The following PIP4K2A variants were observed in gnomAD, a reference collection of about 807,000 sequenced individuals.
PIP4K2A encodes the protein phosphatidylinositol 5-phosphate 4-kinase type-2 alpha.
A neutral mutation model predicts 42.9 loss-of-function variants in PIP4K2A; 14 were observed. The observed-to-expected ratio is 0.33, with a 90% CI of 0.22 to 0.51. The LOEUF (loss-of-function observed/expected upper bound fraction) is 0.51, where lower values mean the gene tolerates loss of function less well. PIP4K2A is among the 20% of genes least tolerant of loss of function. PIP4K2A has a pLI of 0.97. For synonymous variants in PIP4K2A, 192 were observed against 192.2 expected (o/e 1.00, Z 0.01); for missense variants, 434 against 519.8 (o/e 0.83, Z 1.61).
chr10:22,698,077 A>C (rs1037620993), intron 1 of PIP4K2A, among the ~76,000 whole-genome samples: 1 of 152,126 alleles, frequency 6.6e-6, no homozygotes, highest in Non-Finnish European at 1.5e-5. Flanking sequence ...ACGAAGAAAA[A>C]CTGGGAGAAG....
intron 1 of PIP4K2A, among the ~76,000 whole-genome samples, chr10:22,660,551 G>A (rs760118516): frequency 6.6e-5 from 10 of 152,020 alleles, no homozygotes; most frequent in Non-Finnish European, 1.5e-4. Flanking sequence ...GAAGATGCAA[G>A]AATCTAGGTG....
chr10:22,693,301 T>C (rs918557602), intron 1 of PIP4K2A, among the ~76,000 whole-genome samples: 4 of 152,170 alleles, frequency 2.6e-5, no homozygotes, highest in African/African-American at 9.7e-5. Context: ...TTTAGCTGAT[T>C]GCATTTTGCT....
At chr10:22,653,750 C>T (rs990307701) in intron 1 of PIP4K2A, among the ~76,000 whole-genome samples, 17 of 152,164 alleles carry the variant, frequency 1.1e-4, no homozygotes, top group Non-Finnish European at 2.9e-5. Context: ...CCTGTCTCTA[C>T]TGTAATCCCA....
intron 1 of PIP4K2A, among the ~76,000 whole-genome samples, chr10:22,620,543 C>G (rs1838302884): frequency 6.6e-6 from 1 of 152,238 alleles, no homozygotes; most frequent in Non-Finnish European, 1.5e-5. Context: ...GTGATGTGTG[C>G]TTTGGCCCAG....
chr10:22,567,528 A>G (rs996720965), intron 6 of PIP4K2A: 3 of 553,184 alleles, frequency 5.4e-6, no homozygotes, highest in Non-Finnish European at 1.0e-5. Context: ...ACCCGCAGGA[A>G]CGCACTCTCA....
intron 1 of PIP4K2A, among the ~76,000 whole-genome samples, chr10:22,697,653 G>T (rs1738027484): frequency 6.6e-6 from 1 of 152,120 alleles, no homozygotes; most frequent in African/African-American, 2.4e-5. Flanking sequence ...TTGTACCCAA[G>T]AATTCGAGGC....
At chr10:22,586,811 G>A (rs754260654) in intron 4 of PIP4K2A, among the ~76,000 whole-genome samples, 3 of 152,156 alleles carry the variant, frequency 2.0e-5, no homozygotes, top group Admixed American at 6.5e-5. Flanking sequence ...GATTACAGAC[G>A]TGAGCCACTG....
At chr10:22,696,190 A>C (rs962126660) in intron 1 of PIP4K2A, among the ~76,000 whole-genome samples, 5 of 152,192 alleles carry the variant, frequency 3.3e-5, no homozygotes, top group African/African-American at 9.7e-5. Flanking sequence ...AGAATATTTC[A>C]ACATATGTCA....
intron 1 of PIP4K2A, among the ~76,000 whole-genome samples, chr10:22,674,926 G>A (rs888434064): frequency 6.4e-4 from 97 of 151,756 alleles, no homozygotes; most frequent in Non-Finnish European, 2.1e-4. Flanking sequence ...TCATGCCACT[G>A]TACTCCAGCT....
At chr10:22,681,588 T>C (rs1839661821) in intron 1 of PIP4K2A, among the ~76,000 whole-genome samples, 2 of 152,116 alleles carry the variant, frequency 1.3e-5, no homozygotes, top group Non-Finnish European at 2.9e-5. Flanking sequence ...GGTAGGAGGA[T>C]GCCTTGAGCC....
At chr10:22,554,105 C>T (rs1048782770) in intron 6 of PIP4K2A, among the ~76,000 whole-genome samples, 10 of 152,018 alleles carry the variant, frequency 6.6e-5, no homozygotes, top group African/African-American at 2.4e-4. Flanking sequence ...CGCGCCACTG[C>T]ACTCCAGCCT....
At chr10:22,648,546 C>T (rs1007862482) in intron 1 of PIP4K2A, among the ~76,000 whole-genome samples, 2 of 152,170 alleles carry the variant, frequency 1.3e-5, no homozygotes, top group African/African-American at 4.8e-5. Context: ...GACTGGAAAA[C>T]ACTCTTCCTG....
chr10:22,659,368 G>T (rs897797942), intron 1 of PIP4K2A, among the ~76,000 whole-genome samples: 1 of 152,198 alleles, frequency 6.6e-6, no homozygotes, highest in African/African-American at 2.4e-5. Flanking sequence ...GCCAAGGTGG[G>T]CGGATCACCT....
At chr10:22,552,850 T>G (rs1836446640) in intron 6 of PIP4K2A, among the ~76,000 whole-genome samples, 2 of 152,162 alleles carry the variant, frequency 1.3e-5, no homozygotes, top group Non-Finnish European at 2.9e-5. Context: ...CAACCCATTT[T>G]ATAAGTGTAA....
At chr10:22,598,592 C>T (rs1283877554) in intron 3 of PIP4K2A, among the ~76,000 whole-genome samples, 5 of 152,168 alleles carry the variant, frequency 3.3e-5, no homozygotes, top group African/African-American at 4.8e-5. Context: ...ACATAGATGA[C>T]GACAAAACAG....
chr10:22,568,344 C>T (rs967150074), intron 5 of PIP4K2A, among the ~76,000 whole-genome samples: 1 of 152,208 alleles, frequency 6.6e-6, no homozygotes, highest in Non-Finnish European at 1.5e-5. Flanking sequence ...CACATTACGT[C>T]CTTCTGTGGG....
chr10:22,683,751 T>C (rs1839708114), intron 1 of PIP4K2A, among the ~76,000 whole-genome samples: 1 of 151,684 alleles, frequency 6.6e-6, no homozygotes, highest in African/African-American at 2.4e-5. Flanking sequence ...CTGACTGTAA[T>C]TTCTTCTCAT....
rs565396018 is a variant in PIP4K2A, at chr10:22,649,257, G to A, written c.145-39540C>T. Among the ~76,000 whole-genome samples, 8 of 152,276 alleles carry A rather than the reference G, an allele frequency of 5.3e-5. No individual in the cohort carries two copies. In the South Asian group the frequency reaches 1.7e-3, roughly 32 times the overall value. ...AATTTAACATGTTCCTGTATTCCAC[G>A]ATCAGATGGGTCTATAATGTCTGTT... is the stretch of plus-strand genomic sequence containing the variant. On this transcript the variant is annotated intron_variant, in intron 1 of 9. Coordinates refer to ENST00000376573, the MANE Select transcript of PIP4K2A (RefSeq NM_005028.5).
At chr10:22,677,247 C>T (rs1449731156) in intron 1 of PIP4K2A, among the ~76,000 whole-genome samples, 1 of 152,192 alleles carries the variant, frequency 6.6e-6, no homozygotes, top group African/African-American at 2.4e-5. Context: ...ACCGATTCCA[C>T]ACCAGGCCCT....
Sources: gnomAD v4.1 joint callset for allele counts (sites outside exome capture counted in the v4.1 genomes callset) on GRCh38, gnomAD v4.1.1 for gene constraint, MANE v1.5 for transcripts, NCBI Gene and HGNC (gene_info 2026-07-23, HGNC 2026-07-21) for gene names.